Variants in SLC6A14 observed in about 807,000 individuals in gnomAD.
SLC6A14 encodes solute carrier family 6 member 14.
In SLC6A14, 21 loss-of-function variants were observed where a neutral mutation model predicts 51.4. That is an observed-to-expected ratio of 0.41 (90% CI 0.29 to 0.59). The LOEUF is 0.59. SLC6A14 is among the 20% of genes least tolerant of loss of function. The pLI, the probability that SLC6A14 is intolerant of heterozygous loss-of-function variation, is 0.31. For missense variants in SLC6A14, 371 were observed against 472.8 expected, an observed-to-expected ratio of 0.78 and a Z score of 2.00; for synonymous variants, 177 against 160.7, an observed-to-expected ratio of 1.10 and a Z score of -0.77.
At chrX:116,445,495 AGAGAGAGAG>A (rs1927692750) in intron 6 of SLC6A14, among the ~76,000 whole-genome samples, 1 of 104,047 alleles carries the variant, frequency 9.6e-6, no homozygotes, top group Non-Finnish European at 2.0e-5. Flanking sequence ...AGAGAGAGAG[AGAGAGAGAG>A]AAATGTGTGT....
At position 116,452,612 on chromosome X, in the gene SLC6A14, T is replaced by C. The variant is rs782720424; in HGVS notation, c.1160-405T>C. 6.2e-5 allele frequency among the ~76,000 whole-genome samples: 7 copies of C among 112,218 alleles called. 1 individual carries two copies. In the Middle Eastern group the frequency reaches 0.023, roughly 375 times the overall value. On this transcript the variant is annotated intron_variant, in intron 8 of 13. Transcript: ENST00000598581. ...AAAAACAAAAGTTAGTTCGTAAATGTATCTTTCTTTAACAGTGCAATTCTT... is the reference window on the plus strand; with the variant it reads ...AAAAACAAAAGTTAGTTCGTAAATGCATCTTTCTTTAACAGTGCAATTCTT...
rs1556693757 is a variant in SLC6A14, at chrX:116,442,723, T to C, written c.383T>C (p.Val128Ala). 8.6e-7 allele frequency: 1 copy of C among 1,157,502 alleles called. No individual in the cohort carries two copies. The highest frequency in any genetic ancestry group is 1.1e-6 in the Non-Finnish European group (1 of 870,289). ...ACAATGGTCCTGATCTCCATTTTTGTGACAATCTATTACAATGTCATAATT... is the reference window on the plus strand; with the variant it reads ...ACAATGGTCCTGATCTCCATTTTTGCGACAATCTATTACAATGTCATAATT... ...GITMVLISIF[V>A]TIYYNVIIAY... Residue 128 changes from valine to alanine, a missense_variant, in exon 4 of 14, where the codon GTG becomes GCG. By Grantham distance (64) the Val-to-Ala change is moderately conservative. Transcript: ENST00000598581.
chrX:116,440,690 A>T (rs1927576981), intron 2 of SLC6A14, among the ~76,000 whole-genome samples: 1 of 111,837 alleles, frequency 8.9e-6, no homozygotes, highest in Non-Finnish European at 1.9e-5. Flanking sequence ...AATGCCTGGG[A>T]TCGCTCAATT....
In SLC6A14 at chrX:116,445,326, A is replaced by G. The variant is rs149413057; in HGVS notation, c.789+276A>G. ...AGCTGATAGAGCATTCTGAAGCTTA[A>G]GAGTATATTATTAAATTTTCTATCC... On this transcript the variant is annotated intron_variant, in intron 6 of 13. Coordinates refer to ENST00000598581, the MANE Select transcript of SLC6A14 (RefSeq NM_007231.5). Among the ~76,000 whole-genome samples the G allele has an allele frequency of 2.9e-4, 32 of 110,008 alleles. 1 individual carries two copies. In the East Asian group the frequency reaches 9.2e-3, roughly 32 times the overall value.
chrX:116,451,646 G>A lies in SLC6A14; in HGVS notation c.1135G>A (p.Glu379Lys). ...ACACATGGCCCATATATCTGGAAAG[G>A]AAGTTTCTCAAGTTGTAAAATCAGG... Reference protein sequence around the residue: ...LGHMAHISGKEVSQVVKSGFD... With the variant: ...LGHMAHISGKKVSQVVKSGFD... Residue 379 changes from glutamate (E) to lysine (K), a missense_variant, in exon 8 of 14, where the codon GAA becomes AAA. Glu to Lys is a moderately conservative substitution (Grantham distance 56). Around this residue, in one of 2 missense-constraint regions of SLC6A14, gnomAD observed 277 missense variants for 391.8 expected, o/e 0.71. Coordinates refer to ENST00000598581, the MANE Select transcript of SLC6A14 (RefSeq NM_007231.5). The A allele has an allele frequency of 8.4e-7, 1 of 1,195,647 alleles. No individual in the cohort carries two copies. Among genetic ancestry groups the A allele is most frequent in the South Asian group, 1.8e-5 (1 of 56,216 alleles).
At chrX:116,441,209 C>G in intron 3 of SLC6A14, 112 bp downstream of exon 3, 2 of 808,861 alleles carry the variant, frequency 2.5e-6, no homozygotes, top group Non-Finnish European at 3.5e-6. Context: ...GCTTAAAATT[C>G]TGACAATTTA....
chrX:116,450,049 A>C (rs182424928), intron 7 of SLC6A14, among the ~76,000 whole-genome samples: 19 of 111,700 alleles, frequency 1.7e-4, no homozygotes, highest in African/African-American at 5.5e-4. Flanking sequence ...CCTTTAGAAG[A>C]AAATACAGAA....
rs782561221 is a variant in SLC6A14 at position 116,454,393 on chromosome X, T to G, written c.1355T>G (p.Leu452Trp). ...AAGAAAATGAGGGTTCCCATAACTT[T>G]GGGCTGCTGCTTGGTTTTGTTTCTC... is the stretch of plus-strand genomic sequence containing the variant. Reference protein sequence around the residue: ...VMKKMRVPITLGCCLVLFLLG... With the variant: ...VMKKMRVPITWGCCLVLFLLG... Residue 452 changes from leucine (L) to tryptophan (W), a missense_variant, in exon 10 of 14, where the codon TTG becomes TGG. By Grantham distance (61) the Leu-to-Trp change is moderately conservative. This residue lies in a region of SLC6A14 where 277 missense variants were observed against 391.8 expected (regional missense o/e 0.71). Coordinates refer to ENST00000598581, the MANE Select transcript of SLC6A14 (RefSeq NM_007231.5). 24 of 1,203,022 alleles carry G rather than the reference T, an allele frequency of 2.0e-5. No individual in the cohort carries two copies. In the Admixed American group the frequency reaches 4.8e-4, roughly 24 times the overall value.
At chrX:116,440,863 A>G (rs1044900473) in intron 2 of SLC6A14, 103 bp from the exon 3 acceptor site, 2 of 895,603 alleles carry the variant, frequency 2.2e-6, no homozygotes, top group Non-Finnish European at 3.1e-6. Context: ...GCGCTCTTTG[A>G]TTCCAATATA....
At position 116,437,968 on chromosome X, in the gene SLC6A14, A is replaced by ACGGGGGCCCCCCCCCC; in HGVS notation, c.214+14_214+15insGGGGGCCCCCCCCCCC. On this transcript the variant is annotated intron_variant, in intron 2 of 13. Coordinates refer to ENST00000598581, the MANE Select transcript of SLC6A14 (RefSeq NM_007231.5). ...AGCAATGGTGGAGGTATTCTATTTC[A>ACGGGGGCCCCCCCCCC]CCCCCACCCTCCCACCCCCGCTTTT... 1 of 1,122,183 alleles carries ACGGGGGCCCCCCCCCC rather than the reference A, an allele frequency of 8.9e-7. No individual in the cohort carries two copies. The highest frequency in any genetic ancestry group is 1.2e-6 in the Non-Finnish European group (1 of 840,401). 92.5% of individuals were successfully genotyped at this position (1,122,183 alleles called of 1,213,427 possible). A position where few individuals can be genotyped will look rare whatever the true frequency, so the allele number is the denominator to read the frequency against.
chrX:116,447,028 G>A (rs1477460922), intron 7 of SLC6A14, 147 bp downstream of exon 7: 2 of 409,774 alleles, frequency 4.9e-6, no homozygotes, highest in Non-Finnish European at 8.2e-6. Context: ...CCACTAGGAT[G>A]TCTGACTTAG....
At chrX:116,445,487 A>T in intron 6 of SLC6A14, among the ~76,000 whole-genome samples, 1 of 105,908 alleles carries the variant, frequency 9.4e-6, no homozygotes, top group Non-Finnish European at 2.0e-5. Context: ...AGAGAGAGAG[A>T]GAGAGAGAGA....
chrX:116,438,974 G>A (rs1199856953), intron 2 of SLC6A14, among the ~76,000 whole-genome samples: 3 of 111,319 alleles, frequency 2.7e-5, no homozygotes, highest in African/African-American at 9.8e-5. Flanking sequence ...CTATCTAGAA[G>A]CTGGGTCATT....
rs782329608 is a variant in SLC6A14, at chrX:116,445,041, G to A, written c.780G>A (p.Ser260=). The A allele has an allele frequency of 3.0e-5, 36 of 1,182,868 alleles. No homozygotes were observed. Among genetic ancestry groups the A allele is most frequent in the Admixed American group, 1.7e-4 (7 of 41,124 alleles). ...CAGCACTATTTAAAGGAATCAAATCGTCTGGCAAGGTAACTTGAAAAACAC... is the reference window on the plus strand; with the variant it reads ...CAGCACTATTTAAAGGAATCAAATCATCTGGCAAGGTAACTTGAAAAACAC... ...VGAALFKGIK[S]SGKVVYFTAL... The change falls in exon 6 of 14, where the codon TCG becomes TCA. Residue 260 remains serine, a synonymous_variant. Transcript: ENST00000598581.
Position 116,460,876 on chromosome X carries a change from G to A in SLC6A14, c.*1921G>A. On this transcript the variant is annotated 3_prime_UTR_variant, in exon 14 of 14. Transcript: ENST00000598581. ...AGCCACCGTGCCCGGCCCATTCTAA[G>A]GGTTTTCTTTGAAGACAGGTCAAAT... The A allele has an allele frequency of 9.0e-6, 1 of 111,081 alleles. No homozygotes were observed. Among genetic ancestry groups the A allele is most frequent in the Non-Finnish European group, 1.9e-5 (1 of 53,045 alleles). The allele number at this position is 111,081 out of a possible 1,213,427, so 9.2% of individuals were successfully genotyped here.
chrX:116,447,492 GC>G (rs1310670165), intron 7 of SLC6A14, among the ~76,000 whole-genome samples: 8 of 111,685 alleles, frequency 7.2e-5, no homozygotes, highest in Admixed American at 1.9e-4. Context: ...TGTATCACTG[GC>G]ATGTAACATC....
At chrX:116,453,991 T>A (rs1473142686) in intron 9 of SLC6A14, among the ~76,000 whole-genome samples, 1 of 111,606 alleles carries the variant, frequency 9.0e-6, no homozygotes, top group Non-Finnish European at 1.9e-5. Context: ...TCCACACCAC[T>A]GATTCAAATA....
intron 8 of SLC6A14, among the ~76,000 whole-genome samples, chrX:116,452,600 A>C: frequency 8.9e-6 from 1 of 112,175 alleles, no homozygotes; most frequent in Middle Eastern, 4.6e-3. Flanking sequence ...AACAAAAGTT[A>C]GTTCGTAAAT....
rs1556694994 is a variant in SLC6A14 at position 116,458,996 on chromosome X, T to C, written c.*41T>C. The C allele has an allele frequency of 5.5e-6, 6 of 1,087,876 alleles. No individual in the cohort carries two copies. In the South Asian group the frequency reaches 1.3e-4, roughly 23 times the overall value. 89.7% of individuals were successfully genotyped at this position (1,087,876 alleles called of 1,213,427 possible). A position where few individuals can be genotyped will look rare whatever the true frequency, so the allele number is the denominator to read the frequency against. On this transcript the variant is annotated 3_prime_UTR_variant, in exon 14 of 14. Transcript: ENST00000598581. The stretch of plus-strand genomic sequence containing the variant: ...AATATATGATTGTATAATGTGATTT[T>C]TTTTAGAATAGGGGGAACCTTATTT...
Sources: gnomAD v4.1 joint callset for allele counts (sites outside exome capture counted in the v4.1 genomes callset) on GRCh38, gnomAD v4.1.1 for gene constraint, gnomAD v4.1.1 regional missense constraint, MANE v1.5 for transcripts, NCBI Gene and HGNC (gene_info 2026-07-23, HGNC 2026-07-21) for gene names.